The following MKNK1 variants were observed in gnomAD, a reference collection of about 807,000 sequenced individuals.
MKNK1 encodes MAPK interacting serine/threonine kinase 1.
In MKNK1, 30 loss-of-function variants were observed where a neutral mutation model predicts 49.3. That is an observed-to-expected ratio of 0.61 (90% CI 0.46 to 0.83). The LOEUF is 0.83. Among genes scored for constraint, MKNK1 ranks in the 40% least tolerant of loss-of-function variants. The probability of loss-of-function intolerance (pLI) is 0.00; values close to 1 mark genes in which losing one functional copy is unlikely to be tolerated. For synonymous variants in MKNK1, 176 were observed against 201.7 expected (o/e 0.87, Z 1.08); for missense variants, 423 against 524.7 (o/e 0.81, Z 1.89).
intron 2 of MKNK1, chr1:46,584,901 C>T (rs1287276775): frequency 6.6e-6 from 1 of 152,026 alleles, no homozygotes; most frequent in East Asian, 1.9e-4. Flanking sequence ...TAACTCTAGC[C>T]AAGAGCTTCA....
intron 3 of MKNK1, among the ~76,000 whole-genome samples, chr1:46,582,113 A>G (rs994520775): frequency 1.3e-5 from 2 of 152,224 alleles, no homozygotes; most frequent in Non-Finnish European, 2.9e-5. Flanking sequence ...GTTAACTGAA[A>G]GAGCAAAAGA....
Position 46,589,953 on chromosome 1 carries a change from C to T in MKNK1, c.-3+4160G>A, listed in dbSNP as rs538103690. Among the ~76,000 whole-genome samples, 10 of 152,224 alleles carry T rather than the reference C, an allele frequency of 6.6e-5. No homozygotes were observed. Among genetic ancestry groups the T allele is most frequent in the East Asian group, 1.9e-4 (1 of 5,184 alleles). On this transcript the variant is annotated intron_variant, in intron 2 of 12. Coordinates refer to ENST00000371945, the MANE Select transcript of MKNK1 (RefSeq NM_001135553.4). This position sits in a 1 kb window ranked among gnomAD's most constrained non-coding sequence, Gnocchi z 4.3. ...GATGATCCTCTCCCCACTGAGAACC[C>T]GACTTTGCTGGCTAGCTCAGCTCTG...
At chr1:46,580,394 G>C (rs1671555459) in intron 4 of MKNK1, 136 bp downstream of exon 4, 5 of 681,476 alleles carry the variant, frequency 7.3e-6, no homozygotes, top group Non-Finnish European at 1.3e-5. Context: ...ACAGTAAGTA[G>C]AGAAACCAAG....
At chr1:46,565,400 G>A (rs1418739851) in intron 8 of MKNK1, 2 of 476,500 alleles carry the variant, frequency 4.2e-6, no homozygotes, top group East Asian at 4.0e-5. Context: ...CAGACTAAAG[G>A]AAGTATGGAA....
intron 12 of MKNK1, among the ~76,000 whole-genome samples, chr1:46,560,029 G>C (rs1356472957): frequency 6.6e-6 from 1 of 152,256 alleles, no homozygotes; most frequent in Non-Finnish European, 1.5e-5. Context: ...AGGTGCTGGA[G>C]GGCAGAGGAT....
In MKNK1 at chr1:46,594,214, A is replaced by T; in HGVS notation, c.-104T>A. On this transcript the variant is annotated 5_prime_UTR_variant, in exon 2 of 13. Transcript: ENST00000371945. The stretch of plus-strand genomic sequence containing the variant: ...AAGTTGGTGTCTTCCAGCTACACGA[A>T]GTGTCTCAATGGCCTTTGTGCGTAG... The T allele has an allele frequency of 1.5e-6, 2 of 1,297,974 alleles. No homozygotes were observed. Among genetic ancestry groups the T allele is most frequent in the South Asian group, 1.2e-5 (1 of 84,784 alleles). 80.4% of individuals were successfully genotyped at this position (1,297,974 alleles called of 1,614,324 possible). A position where few individuals can be genotyped will look rare whatever the true frequency, so the allele number is the denominator to read the frequency against.
At chr1:46,562,622 C>A in intron 10 of MKNK1, 27 bp downstream of exon 10, 1 of 1,546,960 alleles carries the variant, frequency 6.5e-7, no homozygotes, top group East Asian at 2.4e-5. Context: ...GCAGGGTCTA[C>A]GCAGTGCTCC....
intron 9 of MKNK1, among the ~76,000 whole-genome samples, chr1:46,564,044 C>CAAAAAAAAAAAAAAAAAAA (rs1217205121): frequency 2.6e-5 from 1 of 39,084 alleles, no homozygotes; most frequent in African/African-American, 1.1e-4. Flanking sequence ...GACTCTGTCT[C>CAAAAAAAAAAAAAAAAAAA]AAAAAAAAAA....
At chr1:46,570,965 T>C (rs1557845368) in intron 7 of MKNK1, among the ~76,000 whole-genome samples, 1 of 152,204 alleles carries the variant, frequency 6.6e-6, no homozygotes, top group Non-Finnish European at 1.5e-5. Context: ...ATTCTCACCA[T>C]AGGGTAGGCA....
intron 11 of MKNK1, 97 bp downstream of exon 11, chr1:46,561,381 C>T (rs985210587): frequency 8.8e-6 from 12 of 1,367,498 alleles, no homozygotes; most frequent in Non-Finnish European, 1.1e-5. Context: ...GCACCAGCCA[C>T]AAGGCTGGTG....
Position 46,565,096 on chromosome 1 carries a change from C to A in MKNK1, c.554G>T (p.Gly185Val). 1 of 1,614,168 alleles carries A rather than the reference C, an allele frequency of 6.2e-7. No homozygotes were observed. The highest frequency in any genetic ancestry group is 1.6e-4 in the Middle Eastern group (1 of 6,062). Residue 185 changes from glycine to valine, a missense_variant, in exon 9 of 13, where the codon GGG (glycine) becomes GTG (valine). Transcript: ENST00000371945. ...VKICDFDLGS[G>V]MKLNNSCTPI... ...GGTACAGGAGTTGTTCAGTTTCATC[C>A]CACTGCCCAAGTCAAAGTCACAGAT...
intron 7 of MKNK1, among the ~76,000 whole-genome samples, chr1:46,570,555 T>C (rs1469234696): frequency 1.3e-5 from 2 of 152,244 alleles, no homozygotes; most frequent in Admixed American, 1.3e-4. Flanking sequence ...CACACTGGTC[T>C]GCACCGGATT....
At chr1:46,592,157 T>C (rs1226203124) in intron 2 of MKNK1, among the ~76,000 whole-genome samples, 3 of 152,192 alleles carry the variant, frequency 2.0e-5, no homozygotes, top group South Asian at 4.1e-4. Flanking sequence ...GGAGAATCAC[T>C]TGAACCCGGG....
rs146056015 is a variant in MKNK1, at chr1:46,576,604, C to A, written c.249G>T (p.Val83=). The part of the protein sequence containing the change: ...GHSRSRVFRE[V]ETLYQCQGNK... ...TTCCCTGACACTGATACAGCGTCTC[C>A]ACCTCTCGAAACACCCTACTCCGAC... is the stretch of plus-strand genomic sequence containing the variant. The change falls in exon 5 of 13, where the codon GTG becomes GTT. Residue 83 remains valine (V), a synonymous_variant. Transcript: ENST00000371945. The A allele has an allele frequency of 1.3e-5, 21 of 1,614,036 alleles. No individual in the cohort carries two copies. Among genetic ancestry groups the A allele is most frequent in the Non-Finnish European group, 1.8e-5 (21 of 1,179,998 alleles).
chr1:46,583,423 C>T, intron 2 of MKNK1, 94 bp from the exon 3 acceptor site: 1 of 909,332 alleles, frequency 1.1e-6, no homozygotes, highest in Admixed American at 2.4e-5. Flanking sequence ...TGGGGGAGGA[C>T]CCAGGAGGTT....
intron 3 of MKNK1, among the ~76,000 whole-genome samples, chr1:46,582,205 A>C (rs1671850832): frequency 6.6e-6 from 1 of 152,100 alleles, no homozygotes; most frequent in East Asian, 1.9e-4. Flanking sequence ...ACAGACACAC[A>C]CACACAGACA....
intron 1 of MKNK1, 50 bp from the exon 2 acceptor site, chr1:46,594,330 A>G (rs1570317730): frequency 4.5e-6 from 3 of 661,624 alleles, no homozygotes; most frequent in South Asian, 1.6e-5. Flanking sequence ...CTTCTTTAAA[A>G]GGACCAGAAA....
intron 7 of MKNK1, chr1:46,569,622 G>T (rs750150948): frequency 6.6e-6 from 1 of 152,234 alleles, no homozygotes; most frequent in South Asian, 2.1e-4. Context: ...CGACTAGAAG[G>T]CAAAAGCCTG....
At chr1:46,566,627 T>A (rs937632500) in intron 8 of MKNK1, among the ~76,000 whole-genome samples, 1 of 152,230 alleles carries the variant, frequency 6.6e-6, no homozygotes, top group African/African-American at 2.4e-5. Context: ...TTACGATTTC[T>A]CCATAACCGT....
Sources: allele counts gnomAD v4.1 joint callset (sites outside exome capture counted in the v4.1 genomes callset), GRCh38; gene constraint gnomAD v4.1.1; non-coding constraint Gnocchi (gnomAD v3.1); transcripts MANE v1.5; gene names NCBI Gene and HGNC (gene_info 2026-07-23, HGNC 2026-07-21).